DOP1B: variants seen among roughly 807,000 people sequenced by gnomAD.
The protein encoded by DOP1B is protein DOP1B.
Under a neutral mutation model 233.5 loss-of-function variants are expected in DOP1B, and 174 were observed. The ratio of observed to expected loss-of-function variants is 0.75; its 90% CI spans 0.66 to 0.85. The LOEUF (loss-of-function observed/expected upper bound fraction) is 0.85. Among genes scored for constraint, DOP1B ranks in the 40% least tolerant of loss-of-function variants. The pLI, the probability that DOP1B is intolerant of heterozygous loss-of-function variation, is 0.00. For synonymous variants in DOP1B, 1,190 were observed against 1,185.6 expected (o/e 1.00, Z -0.08); for missense variants, 2,652 against 2,846.6 (o/e 0.93, Z 1.56).
chr21:36,276,854 A>AAG (rs1555899283), intron 27 of DOP1B, among the ~76,000 whole-genome samples, 167 bp from the exon 28 acceptor site: 5 of 151,168 alleles, frequency 3.3e-5, no homozygotes, highest in Non-Finnish European at 4.4e-5. Context: ...AAAAAAAAAA[A>AAG]AAAAAGAAAA....
intron 32 of DOP1B, among the ~76,000 whole-genome samples, chr21:36,286,549 TCA>T (rs1212854521): frequency 6.6e-6 from 1 of 151,500 alleles, no homozygotes; most frequent in Non-Finnish European, 1.5e-5. Flanking sequence ...GGCATGAGAA[TCA>T]TTTGAACCCA....
At chr21:36,258,972 G>GTTTT (rs551334908) in intron 23 of DOP1B, among the ~76,000 whole-genome samples, 5 of 116,060 alleles carry the variant, frequency 4.3e-5, no homozygotes, top group Non-Finnish European at 6.9e-5. Flanking sequence ...GCCTTTCACT[G>GTTTT]TTTTTTTTTT....
chr21:36,165,819 G>A (rs895179517), intron 2 of DOP1B, among the ~76,000 whole-genome samples: 14 of 150,766 alleles, frequency 9.3e-5, no homozygotes, highest in Non-Finnish European at 1.5e-4. Context: ...AGGTTCAAGC[G>A]ATTACTCCTG....
rs1189344524 is a variant in DOP1B at position 36,237,321 on chromosome 21, C to T, written c.2682C>T (p.Thr894=). 1.9e-6 allele frequency: 3 copies of T among 1,614,212 alleles called. No individual in the cohort carries two copies. Among genetic ancestry groups the T allele is most frequent in the Admixed American group, 3.3e-5 (2 of 60,012 alleles). The change falls in exon 16 of 37, where the codon ACC becomes ACT. Residue 894 remains threonine (T), a synonymous_variant. Coordinates refer to ENST00000691173, the MANE Select transcript of DOP1B (RefSeq NM_001320714.2). The stretch of plus-strand genomic sequence containing the variant: ...AAGAGACCCGGGAGCATCACGTCAC[C>T]TGCGTAGAATTGTTCTACCGGCTGC... ...LNKETREHHV[T]CVELFYRLHC...
Position 36,192,807 on chromosome 21 carries a change from C to T in DOP1B, c.139-6263C>T, listed in dbSNP as rs547806896. Among the ~76,000 whole-genome samples the T allele has an allele frequency of 1.7e-4, 26 of 152,248 alleles. 1 individual carries two copies. In the South Asian group the frequency reaches 5.2e-3, roughly 30 times the overall value. On this transcript the variant is annotated intron_variant, in intron 2 of 36. Coordinates refer to ENST00000691173, the MANE Select transcript of DOP1B (RefSeq NM_001320714.2). ...GGTTCACACCATTCTCCTGCCTCAG[C>T]CTCCCGAGTAGCTGGGACTACAGGC...
intron 18 of DOP1B, among the ~76,000 whole-genome samples, chr21:36,241,688 T>C (rs1439725171): frequency 9.5e-6 from 1 of 105,306 alleles, no homozygotes; most frequent in East Asian, 4.5e-4. Flanking sequence ...TTTTTTTCTT[T>C]CTTTCTTTTT....
At chr21:36,257,873 G>A (rs1432451320) in intron 23 of DOP1B, among the ~76,000 whole-genome samples, 3 of 149,692 alleles carry the variant, frequency 2.0e-5, no homozygotes, top group South Asian at 2.1e-4. Context: ...ATAGATGTAG[G>A]TAGATGTAGT....
In DOP1B at chr21:36,258,109, A is replaced by G. The variant is rs144748784; in HGVS notation, c.5260-2568A>G. Among the ~76,000 whole-genome samples, 159 of 152,168 alleles carry G rather than the reference A, an allele frequency of 1.0e-3. 3 individuals carry two copies. The East Asian group carries it at 0.026, about 25-fold the overall frequency. The stretch of plus-strand genomic sequence containing the variant: ...TAGATAGATAGATGTAGGTAGGTAG[A>G]TAGATATTATGATTTTAGAGTGTTA... On this transcript the variant is annotated intron_variant, in intron 23 of 36. Transcript: ENST00000691173.
Position 36,230,809 on chromosome 21 carries a change from T to C in DOP1B, c.2025T>C (p.Asp675=). The C allele has an allele frequency of 6.2e-7, 1 of 1,614,110 alleles. No individual in the cohort carries two copies. The highest frequency in any genetic ancestry group is 8.5e-7 in the Non-Finnish European group (1 of 1,180,000). The change falls in exon 14 of 37, where the codon GAT becomes GAC. Residue 675 remains aspartate, a synonymous_variant. Coordinates refer to ENST00000691173, the MANE Select transcript of DOP1B (RefSeq NM_001320714.2). ...RDGTQSLAAN[D]SSRKNSWEPK... ...GGACGCAGAGCCTGGCAGCCAATGA[T>C]TCCAGCAGGAAGAACTCTTGGGAGC...
chr21:36,291,137 C>T (rs2067552536), intron 35 of DOP1B, among the ~76,000 whole-genome samples: 1 of 151,020 alleles, frequency 6.6e-6, no homozygotes, highest in East Asian at 2.0e-4. Context: ...TGGTGGGCAC[C>T]TGTAATCCCA....
At position 36,245,529 on chromosome 21, in the gene DOP1B, G is replaced by A. The variant is rs918878077; in HGVS notation, c.3549G>A (p.Ser1183=). 4 of 1,613,350 alleles carry A rather than the reference G, an allele frequency of 2.5e-6. No individual in the cohort carries two copies. The highest frequency in any genetic ancestry group is 2.2e-5 in the East Asian group (1 of 44,894). Residue 1183 remains serine, a synonymous_variant, in exon 19 of 37, where the codon TCG becomes TCA. Transcript: ENST00000691173. The surrounding 1 kb of genome is among the most constrained non-coding windows in gnomAD (Gnocchi z 5.5). Reference sequence around the variant, plus strand: ...AGTTAAGCCTGGTGCGGGTGGACTCGGACAAGACGCAGGCTTCTGAGTCGT... The same window carrying A: ...AGTTAAGCCTGGTGCGGGTGGACTCAGACAAGACGCAGGCTTCTGAGTCGT... ...GAKLSLVRVD[S]DKTQASESFS...
chr21:36,203,436 C>T (rs34593061), intron 4 of DOP1B, among the ~76,000 whole-genome samples: 3,123 of 152,246 alleles, frequency 0.021, 54 homozygotes, highest in Non-Finnish European at 0.033. Context: ...GGTGTGGTGA[C>T]AGGCACCTGT....
Position 36,289,220 on chromosome 21 carries a change from G to A in DOP1B, c.6515+14G>A. 6.2e-7 allele frequency: 1 copy of A among 1,608,356 alleles called. No individual in the cohort carries two copies. Among genetic ancestry groups the A allele is most frequent in the South Asian group, 1.1e-5 (1 of 89,178 alleles). ...ATTATTTCAAATGTAAGTCAGATAG[G>A]ATCGTGTGTCCTTTTTGAAGTAAGA... On this transcript the variant is annotated intron_variant, in intron 35 of 36. Coordinates refer to ENST00000691173, the MANE Select transcript of DOP1B (RefSeq NM_001320714.2).
chr21:36,233,001 C>T lies in DOP1B; in HGVS notation c.2548C>T (p.Leu850=). 1 of 1,614,058 alleles carries T rather than the reference C, an allele frequency of 6.2e-7. No homozygotes were observed. The change falls in exon 15 of 37, where the codon CTG becomes TTG. Residue 850 remains leucine (L), a synonymous_variant. Coordinates refer to ENST00000691173, the MANE Select transcript of DOP1B (RefSeq NM_001320714.2). ...TGGACACAACCCTTTTTTTGGCAAGCTGCAGATGGTGACGGTTCCTCCCAT... is the reference window on the plus strand; with the variant it reads ...TGGACACAACCCTTTTTTTGGCAAGTTGCAGATGGTGACGGTTCCTCCCAT... ...SSGHNPFFGK[L]QMVTVPPIAP... is the part of the protein sequence containing the mutation.
chr21:36,258,523 C>T (rs1033034434), intron 23 of DOP1B, among the ~76,000 whole-genome samples: 1 of 152,082 alleles, frequency 6.6e-6, no homozygotes, highest in African/African-American at 2.4e-5. Context: ...TAATGAACTG[C>T]AGATGAATCG....
intron 2 of DOP1B, among the ~76,000 whole-genome samples, chr21:36,197,099 A>G (rs1402311864): frequency 6.6e-6 from 1 of 151,784 alleles, no homozygotes; most frequent in Non-Finnish European, 1.5e-5. Context: ...TGCCCGGCTA[A>G]TTTTTTGTGT....
At chr21:36,185,684 A>G (rs1395115869) in intron 2 of DOP1B, among the ~76,000 whole-genome samples, 1 of 152,176 alleles carries the variant, frequency 6.6e-6, no homozygotes, top group Non-Finnish European at 1.5e-5. Context: ...AAAAGAATAA[A>G]ATATAAGTCT....
Position 36,246,007 on chromosome 21 carries a change from G to T in DOP1B, c.4027G>T (p.Asp1343Tyr). The T allele has an allele frequency of 6.2e-7, 1 of 1,614,032 alleles. No homozygotes were observed. Among genetic ancestry groups the T allele is most frequent in the Non-Finnish European group, 8.5e-7 (1 of 1,180,010 alleles). Residue 1343 changes from aspartate (D) to tyrosine (Y), a missense_variant, in exon 19 of 37, where the codon GAC becomes TAC. This residue lies in a region of DOP1B where 2,617 missense variants were observed against 2,794.3 expected (regional missense o/e 0.94). Transcript: ENST00000691173. The surrounding 1 kb of genome is among the most constrained non-coding windows in gnomAD (Gnocchi z 5.1). ...GCACCGAGACATTCTCGGCAACCGG[G>T]ACGTGCAGGTCAAAAGTGTCGAGGT... ...VSHRDILGNR[D>Y]VQVKSVEVLI...
chr21:36,197,334 A>G (rs554198335), intron 2 of DOP1B, among the ~76,000 whole-genome samples: 3 of 152,104 alleles, frequency 2.0e-5, no homozygotes, highest in Non-Finnish European at 4.4e-5. Flanking sequence ...TCTTCCTTTC[A>G]TGTCCTGCAT....
Sources: gnomAD v4.1 joint callset for allele counts (sites outside exome capture counted in the v4.1 genomes callset) on GRCh38, gnomAD v4.1.1 for gene constraint, gnomAD v4.1.1 regional missense constraint, Gnocchi (gnomAD v3.1) non-coding constraint, MANE v1.5 for transcripts, NCBI Gene and HGNC (gene_info 2026-07-23, HGNC 2026-07-21) for gene names.